The following STOX2 variants were observed in gnomAD, a reference collection of about 807,000 sequenced individuals.
STOX2 encodes storkhead-box protein 2.
A neutral mutation model predicts 60.9 loss-of-function variants in STOX2; 28 were observed. The ratio of observed to expected loss-of-function variants is 0.46; its 90% confidence interval spans 0.34 to 0.63. STOX2 has a LOEUF of 0.63. Ranked by LOEUF, STOX2 falls within the 30% of genes least tolerant of loss-of-function variation. STOX2 has a pLI of 0.01. For synonymous variants in STOX2, 472 were observed against 463.9 expected (o/e 1.02, Z -0.22); for missense variants, 1,024 against 1,187.7 (o/e 0.86, Z 2.03).
At position 184,009,427 on chromosome 4, in the gene STOX2, G is replaced by A. The variant is rs776429999; in HGVS notation, c.589G>A (p.Asp197Asn). The change falls in exon 3 of 4, where the codon GAC (aspartate) becomes AAC (asparagine). Residue 197 changes from aspartate to asparagine, a missense_variant. By Grantham distance (23) the Asp-to-Asn change is conservative. Coordinates refer to ENST00000308497, the MANE Select transcript of STOX2 (RefSeq NM_020225.3). The surrounding 1 kb of genome is among the most constrained non-coding windows in gnomAD (Gnocchi z 4.0). ...RERTLPRNHC[D>N]SCHCCREDVH... ...AAGGACATTGCCCCGAAACCACTGC[G>A]ACTCTTGCCACTGCTGCAGAGAAGA... is the stretch of plus-strand genomic sequence containing the variant. The A allele has an allele frequency of 1.1e-5, 18 of 1,613,862 alleles. 1 individual carries two copies. Among genetic ancestry groups the A allele is most frequent in the South Asian group, 1.1e-4 (10 of 91,080 alleles).
At chr4:184,017,016 T>G in intron 3 of STOX2, 73 bp from the exon 4 acceptor site, 1 of 1,280,870 alleles carries the variant, frequency 7.8e-7, no homozygotes, top group Non-Finnish European at 1.1e-6. Context: ...CATCATTTGC[T>G]CTTCCTCTGG....
chr4:183,921,775 T>C (rs1439313564), intron 1 of STOX2, among the ~76,000 whole-genome samples: 1 of 152,226 alleles, frequency 6.6e-6, no homozygotes, highest in Non-Finnish European at 1.5e-5. Context: ...TTAAACAATA[T>C]ATAATAGTTA....
At chr4:183,841,112 C>A (rs1245770716) in intron 1 of STOX2, among the ~76,000 whole-genome samples, 1 of 152,320 alleles carries the variant, frequency 6.6e-6, no homozygotes, top group African/African-American at 2.4e-5. Flanking sequence ...AAGTGATCTG[C>A]CCGCCCCGAC....
intron 1 of STOX2, among the ~76,000 whole-genome samples, chr4:183,951,444 CTTTT>C (rs1163579369): frequency 1.1e-4 from 7 of 66,496 alleles, no homozygotes; most frequent in Admixed American, 7.0e-4. Flanking sequence ...CTCTCTCTCT[CTTTT>C]TTTTTTTTTT....
chr4:183,968,519 C>T (rs993436697), intron 1 of STOX2, among the ~76,000 whole-genome samples: 1 of 152,182 alleles, frequency 6.6e-6, no homozygotes, highest in African/African-American at 2.4e-5. Context: ...CACAGACCTA[C>T]AGAATCTGGC....
intron 1 of STOX2, among the ~76,000 whole-genome samples, chr4:183,951,192 G>A (rs1444798418): frequency 2.0e-5 from 3 of 149,218 alleles, no homozygotes; most frequent in Non-Finnish European, 3.0e-5. Context: ...TCCAGCCTGG[G>A]CGACAGAGCG....
intron 1 of STOX2, among the ~76,000 whole-genome samples, chr4:183,955,272 C>A (rs1266505099): frequency 6.6e-6 from 1 of 152,138 alleles, no homozygotes; most frequent in Non-Finnish European, 1.5e-5. Context: ...AACTTTTATT[C>A]TTTGAAGGGC....
chr4:183,939,820 G>A (rs1036417257), intron 1 of STOX2, among the ~76,000 whole-genome samples: 8 of 152,144 alleles, frequency 5.3e-5, no homozygotes, highest in South Asian at 2.1e-4. Context: ...ACATAATGGC[G>A]AAGTTATGTA....
intron 1 of STOX2, among the ~76,000 whole-genome samples, chr4:183,808,154 G>A (rs1421397153): frequency 6.6e-6 from 1 of 152,244 alleles, no homozygotes; most frequent in Non-Finnish European, 1.5e-5. Context: ...TCCTGAGGAA[G>A]TGAAAGGAGG....
chr4:183,878,596 A>G (rs894810121), intron 1 of STOX2, among the ~76,000 whole-genome samples: 3 of 152,236 alleles, frequency 2.0e-5, no homozygotes, highest in African/African-American at 7.2e-5. Context: ...ATGAGTGTGA[A>G]TCTAAAAAGC....
chr4:183,830,707 C>T (rs1739545872), intron 1 of STOX2, among the ~76,000 whole-genome samples: 1 of 152,076 alleles, frequency 6.6e-6, no homozygotes, highest in Non-Finnish European at 1.5e-5. Flanking sequence ...CATCATAGGC[C>T]AATGGCTCAT....
intron 2 of STOX2, among the ~76,000 whole-genome samples, chr4:184,005,241 C>T (rs1560935597): frequency 6.6e-6 from 1 of 152,104 alleles, no homozygotes; most frequent in Non-Finnish European, 1.5e-5. Context: ...GGGCGGATCA[C>T]TTGAGGCCAG....
intron 1 of STOX2, among the ~76,000 whole-genome samples, chr4:183,891,043 A>G (rs13132176): frequency 0.79 from 119,744 of 151,808 alleles, 47,795 homozygotes; most frequent in Middle Eastern, 0.86. Context: ...CCAGGTAGTC[A>G]AGGCTGCAGT....
Position 184,010,110 on chromosome 4 carries a change from C to T in STOX2, c.1272C>T (p.His424=). The part of the protein sequence containing the change: ...IEHKGDNFIM[H]SNTNVLESHF... The stretch of plus-strand genomic sequence containing the variant: ...ACAAAGGAGATAACTTCATCATGCA[C>T]AGCAACACAAACGTGCTCGAGTCCC... The change falls in exon 3 of 4, where the codon CAC becomes CAT. Residue 424 remains histidine (H), a synonymous_variant. Coordinates refer to ENST00000308497, the MANE Select transcript of STOX2 (RefSeq NM_020225.3). The surrounding 1 kb of genome is among the most constrained non-coding windows in gnomAD (Gnocchi z 4.5). The T allele has an allele frequency of 6.3e-7, 1 of 1,595,884 alleles. No homozygotes were observed. The highest frequency in any genetic ancestry group is 8.5e-7 in the Non-Finnish European group (1 of 1,170,668).
chr4:184,015,574 C>G (rs1437592878), intron 3 of STOX2: 1 of 152,112 alleles, frequency 6.6e-6, no homozygotes, highest in Non-Finnish European at 1.5e-5. Flanking sequence ...CTCTTGGCTT[C>G]TTGGTGAGAA....
At chr4:183,889,751 G>C (rs1007423841) in intron 1 of STOX2, among the ~76,000 whole-genome samples, 4 of 151,802 alleles carry the variant, frequency 2.6e-5, no homozygotes, top group African/African-American at 9.7e-5. Flanking sequence ...AGGCATACCA[G>C]GCCACCTCCC....
chr4:183,871,432 C>T (rs903006708), intron 1 of STOX2, among the ~76,000 whole-genome samples: 2 of 152,168 alleles, frequency 1.3e-5, no homozygotes, highest in African/African-American at 4.8e-5. Flanking sequence ...GATAAAATTA[C>T]ACTAATTGCT....
Position 184,009,112 on chromosome 4 carries a change from G to A in STOX2, c.320-46G>A. On this transcript the variant is annotated intron_variant, in intron 2 of 3. Transcript: ENST00000308497. The surrounding 1 kb of genome is among the most constrained non-coding windows in gnomAD (Gnocchi z 4.0). ...GATCCTGGAAATCAGGAATCCACAT[G>A]TTCTGTCTTCATTCTCACAAGTGGT... 2 of 1,375,588 alleles carry A rather than the reference G, an allele frequency of 1.5e-6. No individual in the cohort carries two copies. The highest frequency in any genetic ancestry group is 2.4e-5 in the East Asian group (1 of 41,370). 85.2% of individuals were successfully genotyped at this position (1,375,588 alleles called of 1,614,324 possible).
chr4:183,906,483 C>T lies in STOX2; in HGVS notation c.-308C>T, dbSNP rs1341597790. ...CACCCCGCCCGCCCCCTCCCCGCCT[C>T]CTCCCGGCCGGGGAGCCTCCTAACG... On this transcript the variant is annotated 5_prime_UTR_variant, in exon 1 of 4. Transcript: ENST00000308497. 1 of 162,912 alleles carries T rather than the reference C, an allele frequency of 6.1e-6. No homozygotes were observed. Among genetic ancestry groups the T allele is most frequent in the Non-Finnish European group, 1.3e-5 (1 of 75,270 alleles). 10.1% of individuals were successfully genotyped at this position (162,912 alleles called of 1,614,324 possible).
Sources: gnomAD v4.1 joint callset for allele counts (sites outside exome capture counted in the v4.1 genomes callset) on GRCh38, gnomAD v4.1.1 for gene constraint, Gnocchi (gnomAD v3.1) non-coding constraint, MANE v1.5 for transcripts, NCBI Gene and HGNC (gene_info 2026-07-23, HGNC 2026-07-21) for gene names.